The following SLCO1B1 variants were observed in gnomAD, a reference collection of about 807,000 sequenced individuals.
SLCO1B1 encodes OATP-2.
A neutral mutation model predicts 70.1 loss-of-function variants in SLCO1B1; 81 were observed. The ratio of observed to expected loss-of-function variants is 1.16; its 90% CI spans 0.97 to 1.39. The LOEUF (loss-of-function observed/expected upper bound fraction) is 1.39. SLCO1B1 is among the 40% of genes most tolerant of loss of function. The pLI, the probability that SLCO1B1 is intolerant of heterozygous loss-of-function variation, is 0.00. For missense variants in SLCO1B1, 895 were observed against 799.6 expected (o/e 1.12, Z -1.44); for synonymous variants, 283 against 271.5 (o/e 1.04, Z -0.42).
At chr12:21,143,097 T>C (rs765552068) in intron 2 of SLCO1B1, among the ~76,000 whole-genome samples, 10 of 152,106 alleles carry the variant, frequency 6.6e-5, no homozygotes, top group Non-Finnish European at 1.2e-4. Context: ...TGATAAAGAA[T>C]ATTAAACTCA....
rs767810990 is a variant in SLCO1B1, at chr12:21,239,029, T to C, written c.1916T>C (p.Leu639Ser). Reference protein sequence around the residue: ...SSMLRVSSLVLYIILIYAMKK... With the variant: ...SSMLRVSSLVSYIILIYAMKK... ...ATGTTAAGAGTCTCATCACTTGTTT[T>C]ATATATTATATTAATTTATGCCATG... Residue 639 changes from leucine (L) to serine (S), a missense_variant, in exon 15 of 15, where the codon TTA (leucine) becomes TCA (serine). Coordinates refer to ENST00000256958, the MANE Select transcript of SLCO1B1 (RefSeq NM_006446.5). The C allele has an allele frequency of 1.9e-6, 3 of 1,588,848 alleles. No homozygotes were observed. Among genetic ancestry groups the C allele is most frequent in the Non-Finnish European group, 2.6e-6 (3 of 1,159,584 alleles).
chr12:21,236,435 C>T (rs886339475), intron 14 of SLCO1B1, among the ~76,000 whole-genome samples: 6 of 152,178 alleles, frequency 3.9e-5, no homozygotes, highest in African/African-American at 1.4e-4. Context: ...GATGCACCAA[C>T]AGTATGGCAC....
intron 11 of SLCO1B1, among the ~76,000 whole-genome samples, chr12:21,208,331 T>G (rs1941238249): frequency 6.6e-6 from 1 of 152,096 alleles, no homozygotes; most frequent in Non-Finnish European, 1.5e-5. Context: ...GGGGTCCAGT[T>G]TCATTTCTCT....
At chr12:21,223,565 T>G (rs1941452507) in intron 13 of SLCO1B1, among the ~76,000 whole-genome samples, 1 of 152,156 alleles carries the variant, frequency 6.6e-6, no homozygotes. Context: ...CTCACTCATT[T>G]CCTCAGTACC....
intron 1 of SLCO1B1, among the ~76,000 whole-genome samples, chr12:21,137,438 T>TA (rs1056942534): frequency 2.6e-5 from 4 of 152,188 alleles, no homozygotes; most frequent in African/African-American, 9.7e-5. Context: ...AGATGGAGCC[T>TA]ACAGAGGCAG....
rs556076510 is a variant in SLCO1B1 at position 21,239,592 on chromosome 12, A to G, written c.*403A>G. ...AAGAGAAATGCCTAGTGTCTATTTT[A>G]TTAAACAAACAAACACAGAGTTTGA... On this transcript the variant is annotated 3_prime_UTR_variant, in exon 15 of 15. Coordinates refer to ENST00000256958, the MANE Select transcript of SLCO1B1 (RefSeq NM_006446.5). Among the ~76,000 whole-genome samples the G allele has an allele frequency of 3.3e-5, 5 of 152,340 alleles. No individual in the cohort carries two copies. In the South Asian group the frequency reaches 8.3e-4, roughly 25 times the overall value.
At chr12:21,205,447 G>A (rs1044390444) in intron 10 of SLCO1B1, among the ~76,000 whole-genome samples, 5 of 151,578 alleles carry the variant, frequency 3.3e-5, no homozygotes, top group Admixed American at 6.6e-5. Flanking sequence ...AATAGCATTC[G>A]TAGACTCACA....
intron 1 of SLCO1B1, among the ~76,000 whole-genome samples, chr12:21,134,430 C>G (rs933850241): frequency 6.6e-6 from 1 of 152,156 alleles, no homozygotes; most frequent in African/African-American, 2.4e-5. Context: ...CCTTGTACCT[C>G]TGGTAGAATT....
intron 14 of SLCO1B1, among the ~76,000 whole-genome samples, chr12:21,237,590 T>C (rs993859443): frequency 1.3e-5 from 2 of 152,186 alleles, no homozygotes; most frequent in Admixed American, 6.5e-5. Flanking sequence ...AACTTATTTG[T>C]ATATTTAAAA....
In SLCO1B1 at chr12:21,213,984, T is replaced by C. The variant is rs560717337; in HGVS notation, c.1498-3135T>C. 6.3e-4 allele frequency among the ~76,000 whole-genome samples: 95 copies of C among 151,716 alleles called. 1 individual carries two copies. Among genetic ancestry groups the C allele is most frequent in the African/African-American group, 2.1e-3 (88 of 41,376 alleles). ...CATTCTTCTAAATTTTTTTCAAAGTTTTCAACTTCTTTGCCTTTGGTTTGA... is the reference window on the plus strand; with the variant it reads ...CATTCTTCTAAATTTTTTTCAAAGTCTTCAACTTCTTTGCCTTTGGTTTGA... On this transcript the variant is annotated intron_variant, in intron 11 of 14. Coordinates refer to ENST00000256958, the MANE Select transcript of SLCO1B1 (RefSeq NM_006446.5).
At chr12:21,157,840 T>C (rs1940562279) in intron 2 of SLCO1B1, among the ~76,000 whole-genome samples, 1 of 152,110 alleles carries the variant, frequency 6.6e-6, no homozygotes, top group East Asian at 1.9e-4. Flanking sequence ...GACCTCGTGA[T>C]CTGCCCACCT....
At chr12:21,139,318 T>C (rs190275230) in intron 1 of SLCO1B1, among the ~76,000 whole-genome samples, 6 of 152,264 alleles carry the variant, frequency 3.9e-5, no homozygotes, top group Non-Finnish European at 5.9e-5. Context: ...CCATTGACTT[T>C]TTTCTTACCT....
chr12:21,206,173 T>C, intron 11 of SLCO1B1, 140 bp downstream of exon 11: 2 of 704,398 alleles, frequency 2.8e-6, no homozygotes, highest in Admixed American at 5.2e-5. Context: ...GTTATTGTGA[T>C]GGGTGTGATG....
chr12:21,196,297 G>C (rs74064193), intron 7 of SLCO1B1, among the ~76,000 whole-genome samples: 1,539 of 152,176 alleles, frequency 0.01, 34 homozygotes, highest in South Asian at 0.039. Flanking sequence ...TGTTAAAAGA[G>C]TGCATTTACA....
At chr12:21,160,145 A>G (rs1032098018) in intron 2 of SLCO1B1, among the ~76,000 whole-genome samples, 6 of 151,842 alleles carry the variant, frequency 4.0e-5, no homozygotes, top group Non-Finnish European at 5.9e-5. Flanking sequence ...AAATTCATAC[A>G]GAACCAAAAT....
chr12:21,134,065 G>A (rs1489253366), intron 1 of SLCO1B1, among the ~76,000 whole-genome samples: 11 of 152,216 alleles, frequency 7.2e-5, no homozygotes, highest in Non-Finnish European at 1.6e-4. Context: ...TTTGTCAAAG[G>A]CCTTTTCTGC....
intron 14 of SLCO1B1, among the ~76,000 whole-genome samples, chr12:21,226,247 C>T (rs1457305129): frequency 6.6e-6 from 1 of 151,750 alleles, no homozygotes; most frequent in African/African-American, 2.4e-5. Flanking sequence ...AACCCTGTCT[C>T]TACTAAAAAT....
Position 21,234,770 on chromosome 12 carries a change from T to A in SLCO1B1, c.1866-4209T>A, listed in dbSNP as rs557225489. On this transcript the variant is annotated intron_variant, in intron 14 of 14. Coordinates refer to ENST00000256958, the MANE Select transcript of SLCO1B1 (RefSeq NM_006446.5). ...TTTTCATTTGTTTAAAACAAAAAAA[T>A]TGTGTTCTGCTCTAATTTTGTTATT... Among the ~76,000 whole-genome samples, 11 of 152,264 alleles carry A rather than the reference T, an allele frequency of 7.2e-5. No homozygotes were observed. In the South Asian group the frequency reaches 1.5e-3, roughly 20 times the overall value.
At chr12:21,136,710 G>A (rs537134568) in intron 1 of SLCO1B1, among the ~76,000 whole-genome samples, 5 of 152,006 alleles carry the variant, frequency 3.3e-5, no homozygotes, top group African/African-American at 1.2e-4. Context: ...CTCTGCATTG[G>A]TTATTCTAGT....
Sources: gnomAD v4.1 joint callset for allele counts (sites outside exome capture counted in the v4.1 genomes callset) on GRCh38, gnomAD v4.1.1 for gene constraint, MANE v1.5 for transcripts, NCBI Gene and HGNC (gene_info 2026-07-23, HGNC 2026-07-21) for gene names.